The following CDH18 variants were observed in gnomAD, a reference collection of about 807,000 sequenced individuals.
CDH18 encodes cadherin 18, also known as cadherin-18.
In CDH18, 31 loss-of-function variants were observed where a neutral mutation model predicts 67.9. The observed-to-expected ratio is 0.46, with a 90% CI of 0.34 to 0.62. CDH18 has a LOEUF of 0.62. Ranked by LOEUF, CDH18 falls within the 20% of genes least tolerant of loss-of-function variation. CDH18 has a pLI of 0.01. For missense variants in CDH18, 890 were observed against 975.5 expected (o/e 0.91, Z 1.17); for synonymous variants, 362 against 347.2 (o/e 1.04, Z -0.48).
intron 2 of CDH18, among the ~76,000 whole-genome samples, chr5:20,006,956 G>A (rs952929055): frequency 3.3e-5 from 5 of 151,832 alleles, no homozygotes; most frequent in Admixed American, 2.0e-4. Flanking sequence ...CAATTTTCAT[G>A]TAAATATTTT....
chr5:19,643,447 G>C (rs886857536), intron 5 of CDH18, among the ~76,000 whole-genome samples: 5 of 152,072 alleles, frequency 3.3e-5, no homozygotes, highest in African/African-American at 1.2e-4. Context: ...TCTATTGATA[G>C]ATCAATAAAG....
chr5:20,032,002 G>T (rs1170081037), intron 2 of CDH18, among the ~76,000 whole-genome samples: 1 of 151,750 alleles, frequency 6.6e-6, no homozygotes, highest in East Asian at 1.9e-4. Flanking sequence ...TTGAAAGATG[G>T]GACAAGACTG....
intron 5 of CDH18, among the ~76,000 whole-genome samples, chr5:19,711,921 T>C (rs1286168099): frequency 1.3e-5 from 2 of 152,136 alleles, no homozygotes; most frequent in South Asian, 2.1e-4. Context: ...TATCCACCAA[T>C]GGATGACTGG....
intron 1 of CDH18, among the ~76,000 whole-genome samples, chr5:20,337,445 G>T (rs1013854316): frequency 2.0e-5 from 3 of 152,090 alleles, no homozygotes; most frequent in Non-Finnish European, 4.4e-5. Flanking sequence ...TTTGTCTGTT[G>T]CCAGATACCC....
chr5:20,566,794 T>A (rs958921703), intron 1 of CDH18, among the ~76,000 whole-genome samples: 3 of 152,156 alleles, frequency 2.0e-5, no homozygotes, highest in Non-Finnish European at 2.9e-5. Flanking sequence ...TATAGTCTTG[T>A]AATCACCATT....
At chr5:20,283,944 A>T (rs1192294621) in intron 1 of CDH18, among the ~76,000 whole-genome samples, 4 of 152,088 alleles carry the variant, frequency 2.6e-5, no homozygotes, top group Admixed American at 2.6e-4. Flanking sequence ...ATCATTGACA[A>T]TAGCATGGAT....
intron 1 of CDH18, among the ~76,000 whole-genome samples, chr5:20,389,412 T>C (rs1744624733): frequency 6.6e-6 from 1 of 152,182 alleles, no homozygotes; most frequent in South Asian, 2.1e-4. Flanking sequence ...TTGGTAGATC[T>C]TCCTCCATCC....
chr5:19,947,913 A>G (rs1406772835), intron 2 of CDH18, among the ~76,000 whole-genome samples: 1 of 152,172 alleles, frequency 6.6e-6, no homozygotes, highest in Non-Finnish European at 1.5e-5. Context: ...TATATAATAA[A>G]CTCTCAAATC....
At chr5:19,605,848 G>C (rs141483383) in intron 6 of CDH18, among the ~76,000 whole-genome samples, 1 of 152,046 alleles carries the variant, frequency 6.6e-6, no homozygotes, top group Non-Finnish European at 1.5e-5. Context: ...GCTGGCACAG[G>C]GGCTGAGAAA....
intron 2 of CDH18, among the ~76,000 whole-genome samples, chr5:20,049,667 T>C (rs1397763996): frequency 2.6e-5 from 4 of 151,778 alleles, no homozygotes; most frequent in Admixed American, 2.0e-4. Context: ...ACGGTAATAT[T>C]TTAATAGTCG....
intron 2 of CDH18, among the ~76,000 whole-genome samples, chr5:19,898,975 C>G (rs1789641546): frequency 6.6e-6 from 1 of 151,938 alleles, no homozygotes; most frequent in African/African-American, 2.4e-5. Flanking sequence ...CCAAATAACC[C>G]AATTAAAAAG....
intron 1 of CDH18, among the ~76,000 whole-genome samples, chr5:20,519,942 CTTTTT>C (rs777265512): frequency 2.4e-5 from 1 of 41,684 alleles, no homozygotes; most frequent in African/African-American, 8.9e-5. Flanking sequence ...ACAGTCTTGG[CTTTTT>C]TTTTTTTTTT....
chr5:20,059,664 G>A (rs531696202), intron 2 of CDH18, among the ~76,000 whole-genome samples: 10 of 152,270 alleles, frequency 6.6e-5, no homozygotes, highest in East Asian at 3.9e-4. Flanking sequence ...ACATGCACAC[G>A]TATGTTTATT....
chr5:19,682,161 T>G (rs1760432210), intron 5 of CDH18, among the ~76,000 whole-genome samples: 1 of 152,092 alleles, frequency 6.6e-6, no homozygotes, highest in Admixed American at 6.6e-5. Context: ...TTGTAAACCA[T>G]ATTTCTTCTT....
At chr5:19,652,786 C>T (rs1448814238) in intron 5 of CDH18, among the ~76,000 whole-genome samples, 1 of 152,030 alleles carries the variant, frequency 6.6e-6, no homozygotes, top group Non-Finnish European at 1.5e-5. Context: ...AGGCATGATG[C>T]TAAGAGAGGC....
At chr5:20,124,942 A>G (rs1014526560) in intron 2 of CDH18, among the ~76,000 whole-genome samples, 2 of 152,154 alleles carry the variant, frequency 1.3e-5, no homozygotes, top group Non-Finnish European at 2.9e-5. Flanking sequence ...GGTCCTGGAT[A>G]AATGTCCAAT....
At chr5:19,908,679 A>T (rs1458842299) in intron 2 of CDH18, among the ~76,000 whole-genome samples, 1 of 152,194 alleles carries the variant, frequency 6.6e-6, no homozygotes, top group Non-Finnish European at 1.5e-5. Context: ...GTTGAAAACA[A>T]GTTATCTGTC....
In CDH18 at chr5:19,953,650, T is replaced by C. The variant is rs565538113; in HGVS notation, c.-257+27410A>G. ...ATAAATCCATTTTGTGGTGTATCTTTAGCGTTGACATAATGATATATAGTT... is the reference window on the plus strand; with the variant it reads ...ATAAATCCATTTTGTGGTGTATCTTCAGCGTTGACATAATGATATATAGTT... On this transcript the variant is annotated intron_variant, in intron 2 of 12. Coordinates refer to ENST00000382275, the MANE Select transcript of CDH18 (RefSeq NM_004934.5). Among the ~76,000 whole-genome samples, 8 of 152,046 alleles carry C rather than the reference T, an allele frequency of 5.3e-5. No individual in the cohort carries two copies. The South Asian group carries it at 8.3e-4, about 16-fold the overall frequency.
intron 2 of CDH18, among the ~76,000 whole-genome samples, chr5:20,176,627 T>A (rs1045608939): frequency 6.6e-6 from 1 of 152,334 alleles, no homozygotes; most frequent in Non-Finnish European, 1.5e-5. Context: ...AAGTCCTTAC[T>A]TTTAATTTAA....
Sources: allele counts gnomAD v4.1 joint callset (sites outside exome capture counted in the v4.1 genomes callset), GRCh38; gene constraint gnomAD v4.1.1; transcripts MANE v1.5; gene names NCBI Gene and HGNC (gene_info 2026-07-23, HGNC 2026-07-21).